Variants in USP12 observed in about 807,000 individuals in gnomAD.
USP12 encodes the protein ubiquitin carboxyl-terminal hydrolase 12.
USP12 carries 19 observed loss-of-function variants against 45.5 expected under a neutral mutation model. The ratio of observed to expected loss-of-function variants is 0.42; its 90% CI spans 0.29 to 0.61. The LOEUF is 0.61. Ranked by LOEUF, USP12 falls within the 20% of genes least tolerant of loss-of-function variation. The pLI, the probability that USP12 is intolerant of heterozygous loss-of-function variation, is 0.22. For missense variants in USP12, 242 were observed against 447.7 expected, an observed-to-expected ratio of 0.54 and a Z score of 4.15; for synonymous variants, 149 against 148.8, an observed-to-expected ratio of 1.00 and a Z score of -0.01.
At chr13:27,168,660 CT>C (rs1878452548) in intron 1 of USP12, among the ~76,000 whole-genome samples, 1 of 152,162 alleles carries the variant, frequency 6.6e-6, no homozygotes, top group African/African-American at 2.4e-5. Flanking sequence ...AAGAGGTACC[CT>C]TGAAAATGTA....
In USP12 at chr13:27,067,896, A is replaced by G. The variant is rs1210937130; in HGVS notation, c.*1387T>C. 6.6e-6 allele frequency: 1 copy of G among 152,210 alleles called. No homozygotes were observed. The highest frequency in any genetic ancestry group is 1.5e-5 in the Non-Finnish European group (1 of 68,038). 9.4% of individuals were successfully genotyped at this position (152,210 alleles called of 1,614,324 possible). On this transcript the variant is annotated 3_prime_UTR_variant, in exon 9 of 9. Coordinates refer to ENST00000282344, the MANE Select transcript of USP12 (RefSeq NM_182488.4). ...TGGAAAAACGTCCAAAAAAACTGCA[A>G]TCGTTTACATATATTTTATGTTACA...
intron 6 of USP12, chr13:27,089,654 T>A: frequency 2.2e-6 from 1 of 461,050 alleles, no homozygotes; most frequent in Non-Finnish European, 3.9e-6. Flanking sequence ...TTATGATGAT[T>A]AAATAATCGC....
At chr13:27,070,171 A>T (rs909829508) in intron 8 of USP12, among the ~76,000 whole-genome samples, 11 of 152,238 alleles carry the variant, frequency 7.2e-5, no homozygotes, top group Admixed American at 7.2e-4. Flanking sequence ...GCATCTCACA[A>T]ATATATCAAT....
chr13:27,105,404 A>T (rs1300574722), intron 3 of USP12, among the ~76,000 whole-genome samples: 1 of 152,216 alleles, frequency 6.6e-6, no homozygotes, highest in African/African-American at 2.4e-5. Flanking sequence ...ATGCATAAGC[A>T]TGCAAAAAAA....
chr13:27,139,833 G>A lies in USP12; in HGVS notation c.49-23237C>T, dbSNP rs187749529. 1.1e-4 allele frequency among the ~76,000 whole-genome samples: 16 copies of A among 152,238 alleles called. No homozygotes were observed. In the East Asian group the frequency reaches 3.1e-3, roughly 29 times the overall value. On this transcript the variant is annotated intron_variant, in intron 1 of 8. Coordinates refer to ENST00000282344, the MANE Select transcript of USP12 (RefSeq NM_182488.4). ...ATGGCTTATGTGTGCCAGGAACTAT[G>A]CTAAGGACAGGTGATACAAAGTTAT...
At chr13:27,123,672 C>G (rs986753605) in intron 1 of USP12, among the ~76,000 whole-genome samples, 2 of 152,194 alleles carry the variant, frequency 1.3e-5, no homozygotes, top group African/African-American at 4.8e-5. Context: ...AAGGGCAGTT[C>G]CCCTGCACAC....
intron 1 of USP12, chr13:27,170,344 T>C (rs1466238917): frequency 5.0e-6 from 2 of 398,466 alleles, no homozygotes; most frequent in East Asian, 7.1e-5. Flanking sequence ...AAGAAAAATA[T>C]ATACAATGTA....
chr13:27,165,359 A>T (rs929885259), intron 1 of USP12, among the ~76,000 whole-genome samples: 6 of 152,224 alleles, frequency 3.9e-5, no homozygotes, highest in Non-Finnish European at 5.9e-5. Flanking sequence ...CTAATAAACT[A>T]ACGTTTCTTA....
intron 6 of USP12, among the ~76,000 whole-genome samples, chr13:27,084,256 C>T (rs1460327356): frequency 6.7e-6 from 1 of 150,050 alleles, no homozygotes; most frequent in Non-Finnish European, 1.5e-5. Flanking sequence ...GCCTGTAATC[C>T]CAGCACTTTG....
intron 1 of USP12, among the ~76,000 whole-genome samples, chr13:27,149,862 C>T (rs1877491092): frequency 6.6e-6 from 1 of 152,216 alleles, no homozygotes; most frequent in African/African-American, 2.4e-5. Flanking sequence ...CTCGCATGCG[C>T]GGTTCATAAC....
At chr13:27,150,216 C>T (rs940931646) in intron 1 of USP12, among the ~76,000 whole-genome samples, 6 of 152,106 alleles carry the variant, frequency 3.9e-5, no homozygotes, top group Non-Finnish European at 8.8e-5. Context: ...CAAATACATA[C>T]AATTATGTCA....
At chr13:27,098,124 C>T (rs146366791) in intron 3 of USP12, among the ~76,000 whole-genome samples, 65 of 151,990 alleles carry the variant, frequency 4.3e-4, no homozygotes, top group African/African-American at 1.5e-3. Flanking sequence ...GTTGTTACTA[C>T]CTCAGCCACC....
intron 1 of USP12, among the ~76,000 whole-genome samples, chr13:27,150,260 A>G (rs1289724648): frequency 2.0e-5 from 3 of 152,208 alleles, no homozygotes; most frequent in Non-Finnish European, 2.9e-5. Flanking sequence ...TTGTATTTAT[A>G]TATGCTTGTC....
chr13:27,155,705 T>G (rs1429618532), intron 1 of USP12, among the ~76,000 whole-genome samples: 1 of 152,194 alleles, frequency 6.6e-6, no homozygotes, highest in Non-Finnish European at 1.5e-5. Flanking sequence ...TTGTCAAGTT[T>G]TAGTGTATAA....
intron 1 of USP12, among the ~76,000 whole-genome samples, chr13:27,127,460 T>G (rs1876296046): frequency 6.6e-6 from 1 of 152,242 alleles, no homozygotes; most frequent in South Asian, 2.1e-4. Context: ...TATCAAGCTC[T>G]AATAATCACA....
chr13:27,147,801 G>A (rs9512556), intron 1 of USP12, among the ~76,000 whole-genome samples: 91,258 of 151,942 alleles, frequency 0.6, 28,278 homozygotes, highest in South Asian at 0.83. Flanking sequence ...CAACAATGCT[G>A]AATCTGCCAA....
chr13:27,093,185 C>CAA (rs879397038), intron 4 of USP12, among the ~76,000 whole-genome samples: 7 of 130,428 alleles, frequency 5.4e-5, no homozygotes, highest in African/African-American at 1.7e-4. Flanking sequence ...AACTCCATCT[C>CAA]AAAAAAAAAA....
At chr13:27,073,945 T>C (rs1273251866) in intron 7 of USP12, among the ~76,000 whole-genome samples, 1 of 152,166 alleles carries the variant, frequency 6.6e-6, no homozygotes, top group Non-Finnish European at 1.5e-5. Flanking sequence ...CTTTAAGTAA[T>C]CTTGACACTG....
intron 1 of USP12, among the ~76,000 whole-genome samples, chr13:27,124,813 C>T (rs1400655633): frequency 2.0e-5 from 3 of 152,160 alleles, no homozygotes; most frequent in Admixed American, 2.0e-4. Context: ...GGCGAAGAGT[C>T]AAAGAGAAGG....
Sources: allele counts gnomAD v4.1 joint callset (sites outside exome capture counted in the v4.1 genomes callset), GRCh38; gene constraint gnomAD v4.1.1; transcripts MANE v1.5; gene names NCBI Gene and HGNC (gene_info 2026-07-23, HGNC 2026-07-21).